Variants in IRAK1BP1 observed in about 807,000 individuals in gnomAD.
The protein encoded by IRAK1BP1 is interleukin-1 receptor-associated kinase 1-binding protein 1.
A neutral mutation model predicts 28.0 loss-of-function variants in IRAK1BP1; 24 were observed. That is an observed-to-expected ratio of 0.86 (90% CI 0.62 to 1.20). The LOEUF is 1.20. Ranked by LOEUF, IRAK1BP1 falls within the 50% of genes most tolerant of loss-of-function variation. The pLI, the probability that IRAK1BP1 is intolerant of heterozygous loss-of-function variation, is 0.00. For synonymous variants in IRAK1BP1, 131 were observed against 116.3 expected, an observed-to-expected ratio of 1.13 and a Z score of -0.81; for missense variants, 336 against 316.7, an observed-to-expected ratio of 1.06 and a Z score of -0.46.
intron 4 of IRAK1BP1, chr6:78,936,677 T>G (rs941511089): frequency 4.0e-5 from 6 of 151,878 alleles, no homozygotes; most frequent in Non-Finnish European, 8.9e-5. Context: ...TTATAGCTCA[T>G]ATTTTCTACT....
intron 4 of IRAK1BP1, among the ~76,000 whole-genome samples, chr6:78,926,361 G>A (rs916961247): frequency 2.6e-5 from 4 of 152,106 alleles, no homozygotes; most frequent in Non-Finnish European, 5.9e-5. Flanking sequence ...AAAGACACAT[G>A]CACTTGTATT....
downstream of IRAK1BP1, among the ~76,000 whole-genome samples, chr6:78,904,906 A>G (rs1772224038): frequency 6.6e-6 from 1 of 152,184 alleles, no homozygotes; most frequent in South Asian, 2.1e-4. Flanking sequence ...TTTCATCTTC[A>G]TTTTCAATGT....
intron 4 of IRAK1BP1, among the ~76,000 whole-genome samples, chr6:78,912,250 G>A (rs1319800846): frequency 2.6e-5 from 4 of 152,026 alleles, no homozygotes; most frequent in Non-Finnish European, 4.4e-5. Flanking sequence ...TCTCTATAGT[G>A]CCAGAATAGA....
At chr6:78,888,357 CAT>C (rs1204575786) in intron 2 of IRAK1BP1, among the ~76,000 whole-genome samples, 2 of 150,560 alleles carry the variant, frequency 1.3e-5, no homozygotes, top group African/African-American at 2.5e-5. Context: ...TTATCATACA[CAT>C]ACACAAAGGA....
At chr6:78,970,893 A>G in the IRAK1BP1 span, 1 of 1,584,410 alleles carries the variant, frequency 6.3e-7, no homozygotes, top group Non-Finnish European at 8.6e-7. Flanking sequence ...ATAAACCTAA[A>G]AAATAAAGTC....
At chr6:78,930,763 C>G (rs1424577874) in intron 4 of IRAK1BP1, among the ~76,000 whole-genome samples, 1 of 151,802 alleles carries the variant, frequency 6.6e-6, no homozygotes, top group African/African-American at 2.4e-5. Context: ...GAAACCTTGT[C>G]TCTACTGAAA....
At chr6:78,931,988 T>G (rs545455262) in intron 4 of IRAK1BP1, among the ~76,000 whole-genome samples, 14 of 152,368 alleles carry the variant, frequency 9.2e-5, no homozygotes, top group Non-Finnish European at 1.8e-4. Flanking sequence ...TAAGTTTATG[T>G]AGTATTTAAA....
intron 1 of IRAK1BP1, among the ~76,000 whole-genome samples, chr6:78,879,359 T>A (rs1771135712): frequency 6.6e-6 from 1 of 151,974 alleles, no homozygotes; most frequent in African/African-American, 2.4e-5. Flanking sequence ...TAATAAAAAT[T>A]TTAAAAAAAT....
intron 1 of IRAK1BP1, among the ~76,000 whole-genome samples, chr6:78,875,387 C>T (rs1161603842): frequency 1.3e-5 from 2 of 152,060 alleles, no homozygotes; most frequent in South Asian, 4.2e-4. Context: ...CGGGCCTATA[C>T]CCAAAGGTAA....
intron 2 of IRAK1BP1, among the ~76,000 whole-genome samples, chr6:78,888,256 C>T (rs189485649): frequency 2.5e-4 from 38 of 152,202 alleles, no homozygotes; most frequent in African/African-American, 8.9e-4. Flanking sequence ...CAGATGAATT[C>T]TAGATATGGG....
intron 1 of IRAK1BP1, among the ~76,000 whole-genome samples, chr6:78,879,192 G>A (rs552459913): frequency 6.6e-6 from 1 of 152,130 alleles, no homozygotes; most frequent in Admixed American, 6.5e-5. Flanking sequence ...ACACACCAGG[G>A]CCTGTCTTGG....
intron 2 of IRAK1BP1, among the ~76,000 whole-genome samples, chr6:78,893,397 A>G (rs1160014157): frequency 6.7e-6 from 1 of 149,058 alleles, no homozygotes; most frequent in African/African-American, 2.5e-5. Flanking sequence ...GTGCTGAAAA[A>G]CAAAGACCAA....
chr6:78,903,346 C>T (rs1772169347), downstream of IRAK1BP1, among the ~76,000 whole-genome samples: 1 of 151,774 alleles, frequency 6.6e-6, no homozygotes, highest in African/African-American at 2.4e-5. Flanking sequence ...AAAAAATTAG[C>T]TGGGTGTGGT....
chr6:78,867,744 C>G lies in IRAK1BP1; in HGVS notation c.168C>G (p.Ser56Arg), dbSNP rs779096501. The change falls in exon 1 of 4, where the codon AGC (serine) becomes AGG (arginine). Residue 56 changes from serine to arginine, a missense_variant. Ser to Arg is a moderately radical substitution (Grantham distance 110, BLOSUM62 -1). Coordinates refer to ENST00000369940, the MANE Select transcript of IRAK1BP1 (RefSeq NM_001010844.4). ...CTGCTACCCGCGAGGTGCAAGTAAG[C>G]GGCACCTCAGAAGTGTCTGCGGGCC... is the stretch of plus-strand genomic sequence containing the variant. ...AQTATREVQVSGTSEVSAGPD... is the reference protein window; with the variant it reads ...AQTATREVQVRGTSEVSAGPD... 1.9e-6 allele frequency: 3 copies of G among 1,614,086 alleles called. No individual in the cohort carries two copies. In the Admixed American group the frequency reaches 5.0e-5, roughly 27 times the overall value.
chr6:78,970,282 G>A, the IRAK1BP1 span: 14 of 839,540 alleles, frequency 1.7e-5, no homozygotes, highest in Non-Finnish European at 2.1e-5. Context: ...GATCTGGATG[G>A]TGATGACTGT....
chr6:78,880,545 T>C (rs1715647917), intron 1 of IRAK1BP1, among the ~76,000 whole-genome samples: 2 of 152,222 alleles, frequency 1.3e-5, no homozygotes, highest in African/African-American at 4.8e-5. Context: ...GGAGAAAATA[T>C]TTGTAAATTA....
intron 4 of IRAK1BP1, among the ~76,000 whole-genome samples, chr6:78,915,013 T>G (rs532646397): frequency 6.6e-6 from 1 of 152,124 alleles, no homozygotes; most frequent in African/African-American, 2.4e-5. Context: ...AGAGACAGGG[T>G]TTTGCCATGT....
chr6:78,906,762 A>G (rs1192698506), downstream of IRAK1BP1, among the ~76,000 whole-genome samples: 1 of 152,190 alleles, frequency 6.6e-6, no homozygotes. Context: ...CCAGTGTTTT[A>G]GGGGATTTTT....
intron 1 of IRAK1BP1, among the ~76,000 whole-genome samples, chr6:78,874,049 A>G (rs985739294): frequency 2.6e-5 from 4 of 152,174 alleles, no homozygotes; most frequent in Non-Finnish European, 4.4e-5. Context: ...CTTTACCTTC[A>G]TCTTCCTGCA....
Sources: gnomAD v4.1 joint callset for allele counts (sites outside exome capture counted in the v4.1 genomes callset) on GRCh38, gnomAD v4.1.1 for gene constraint, MANE v1.5 for transcripts, NCBI Gene and HGNC (gene_info 2026-07-23, HGNC 2026-07-21) for gene names.